The following TLE2 variants were observed in gnomAD, a reference collection of about 807,000 sequenced individuals.
The protein encoded by TLE2 is TLE family member 2, transcriptional corepressor, also known as transducin-like enhancer protein 2.
TLE2 carries 74 observed loss-of-function variants against 97.2 expected under a neutral mutation model. The ratio of observed to expected loss-of-function variants is 0.76; its 90% confidence interval spans 0.63 to 0.92. TLE2 has a LOEUF of 0.92. Among genes scored for constraint, TLE2 ranks in the 40% least tolerant of loss-of-function variants. TLE2 has a pLI of 0.00. For missense variants in TLE2, 1,038 were observed against 1,008.7 expected, an observed-to-expected ratio of 1.03 and a Z score of -0.39; for synonymous variants, 499 against 432.1, an observed-to-expected ratio of 1.15 and a Z score of -1.92.
At chr19:3,031,887 T>C (rs1426148518), upstream of TLE2, among the ~76,000 whole-genome samples, 1 of 152,142 alleles carries the variant, frequency 6.6e-6, no homozygotes, top group Non-Finnish European at 1.5e-5. Flanking sequence ...CTATTCTCCC[T>C]CTCTTCCCAG....
chr19:3,000,772 AC>A (rs761128385), intron 18 of TLE2, 49 bp from the exon 19 acceptor site: 10 of 1,447,036 alleles, frequency 6.9e-6, no homozygotes, highest in Non-Finnish European at 9.5e-6. Context: ...CTAACGAGAG[AC>A]CCGGGCTGCA....
At chr19:3,035,765 G>T (rs1462474832) in intron 1 of TLE2, among the ~76,000 whole-genome samples, 2 of 152,208 alleles carry the variant, frequency 1.3e-5, no homozygotes, top group African/African-American at 2.4e-5. Flanking sequence ...GAGGCACTGG[G>T]ATCAGTAGGG....
intron 12 of TLE2, 42 bp downstream of exon 12, chr19:3,010,980 C>T (rs370136153): frequency 1.3e-5 from 21 of 1,578,108 alleles, no homozygotes; most frequent in Middle Eastern, 2.3e-4. Flanking sequence ...TCCCCAGAGA[C>T]GAGGCCTGCT....
chr19:3,013,802 G>T lies in TLE2; in HGVS notation c.740C>A (p.Pro247His), dbSNP rs374109806. Residue 247 changes from proline to histidine, a missense_variant, in exon 11 of 20, where the codon CCC becomes CAC. By Grantham distance (77) the Pro-to-His change is moderately conservative. Transcript: ENST00000262953. ...GCAGGGGGTGGTAGCCGGGCTGGGGGGCTCTGAGGGTTGGTCCTGGGTTTG... is the reference window on the plus strand; with the variant it reads ...GCAGGGGGTGGTAGCCGGGCTGGGGTGCTCTGAGGGTTGGTCCTGGGTTTG... ...LVVDEDQPSEPPSPATTPCGK... is the reference protein window; with the variant it reads ...LVVDEDQPSEHPSPATTPCGK... 113 of 1,546,900 alleles carry T rather than the reference G, an allele frequency of 7.3e-5. No homozygotes were observed. The Middle Eastern group carries it at 8.5e-4, about 12-fold the overall frequency.
chr19:3,006,744 C>T (rs942323372), intron 14 of TLE2, 75 bp from the exon 15 acceptor site: 13 of 1,503,454 alleles, frequency 8.6e-6, no homozygotes, highest in African/African-American at 1.4e-5. Flanking sequence ...GGCAGGGAGA[C>T]GCCTTTGTCC....
At chr19:3,004,243 A>T (rs1269300794) in intron 17 of TLE2, among the ~76,000 whole-genome samples, 1 of 152,138 alleles carries the variant, frequency 6.6e-6, no homozygotes, top group African/African-American at 2.4e-5. Context: ...GATATTCACC[A>T]TGGGATCCCT....
chr19:3,000,093 G>A (rs1441420045), intron 19 of TLE2, among the ~76,000 whole-genome samples: 1 of 150,878 alleles, frequency 6.6e-6, no homozygotes, highest in Non-Finnish European at 1.5e-5. Flanking sequence ...TATTTTTGAG[G>A]CAGAGCCTCA....
At chr19:3,037,707 G>C (rs1262974542) in intron 1 of TLE2, among the ~76,000 whole-genome samples, 1 of 152,094 alleles carries the variant, frequency 6.6e-6, no homozygotes, top group East Asian at 1.9e-4. Context: ...GGGCGGCTGG[G>C]GGAGAAGTCC....
chr19:3,015,074 AAG>A (rs1555691959), intron 9 of TLE2, among the ~76,000 whole-genome samples: 11 of 140,360 alleles, frequency 7.8e-5, no homozygotes, highest in African/African-American at 2.6e-4. Context: ...AAAAAAAAAA[AAG>A]CTATTAGGTA....
chr19:3,028,679 C>T lies in TLE2; in HGVS notation c.122+27G>A, dbSNP rs1306495848. On this transcript the variant is annotated intron_variant, in intron 2 of 19. Coordinates refer to ENST00000262953, the MANE Select transcript of TLE2 (RefSeq NM_003260.5). ...CCGCCCCGGCGCCCAGGTGAACTCC[C>T]GCGGCCCCTGGGGCGGCCCCCCTCA... The T allele has an allele frequency of 3.7e-6, 6 of 1,611,212 alleles. No homozygotes were observed. In the African/African-American group the frequency reaches 5.3e-5, roughly 14 times the overall value.
intron 2 of TLE2, 76 bp downstream of exon 2, chr19:3,028,630 G>T (rs1463277433): frequency 2.1e-6 from 3 of 1,413,962 alleles, no homozygotes; most frequent in Non-Finnish European, 2.9e-6. Context: ...CCTCCTCCCC[G>T]CCCTATACCC....
intron 1 of TLE2, among the ~76,000 whole-genome samples, chr19:3,039,089 G>A (rs1262731787): frequency 6.6e-6 from 1 of 150,440 alleles, no homozygotes; most frequent in Non-Finnish European, 1.5e-5. Flanking sequence ...TGGGTGTGGT[G>A]GCGGGCACCT....
chr19:3,021,377 CT>C (rs1189240125), intron 5 of TLE2, among the ~76,000 whole-genome samples: 3 of 151,520 alleles, frequency 2.0e-5, no homozygotes, highest in African/African-American at 7.3e-5. Context: ...GCACTCCCGC[CT>C]GGGTGACAGA....
intron 17 of TLE2, 141 bp downstream of exon 17, chr19:3,005,296 C>T: frequency 8.4e-7 from 1 of 1,192,482 alleles, no homozygotes; most frequent in Non-Finnish European, 1.1e-6. Flanking sequence ...GTGGATGTGT[C>T]TGGGGGACAA....
In TLE2 at chr19:2,997,788, G is replaced by T; in HGVS notation, c.*60C>A. The T allele has an allele frequency of 7.7e-7, 1 of 1,296,902 alleles. No homozygotes were observed. The highest frequency in any genetic ancestry group is 1.1e-6 in the Non-Finnish European group (1 of 912,988). The allele number at this position is 1,296,902 out of a possible 1,614,324, so 80.3% of individuals were successfully genotyped here. ...CTGGGAGGCGGCTGCTAGGATGTCT[G>T]TCCTGGCTGCTGATTCCCCTGGGAG... On this transcript the variant is annotated 3_prime_UTR_variant, in exon 20 of 20. Transcript: ENST00000262953.
At chr19:3,008,143 A>G (rs889810322) in intron 14 of TLE2, among the ~76,000 whole-genome samples, 1 of 152,212 alleles carries the variant, frequency 6.6e-6, no homozygotes, top group Non-Finnish European at 1.5e-5. Flanking sequence ...CCACATTTCA[A>G]GTACTGAAAG....
intron 8 of TLE2, among the ~76,000 whole-genome samples, chr19:3,016,698 A>G (rs2089714342): frequency 3.3e-5 from 5 of 152,102 alleles, no homozygotes; most frequent in African/African-American, 1.2e-4. Context: ...GCTGATGGCT[A>G]GGCGAACGGA....
upstream of TLE2, among the ~76,000 whole-genome samples, chr19:3,032,498 A>G (rs897368308): frequency 3.3e-5 from 5 of 152,094 alleles, no homozygotes; most frequent in African/African-American, 1.2e-4. This position sits in a 1 kb window ranked among gnomAD's most constrained non-coding sequence, Gnocchi z 4.1. Flanking sequence ...TTGGCCTCCC[A>G]AAGTGCTGCG....
rs1365810188 is a variant in TLE2, at chr19:3,005,592, G to A, written c.1749-8C>T. The A allele has an allele frequency of 5.6e-6, 9 of 1,612,892 alleles. No individual in the cohort carries two copies. The highest frequency in any genetic ancestry group is 7.6e-6 in the Non-Finnish European group (9 of 1,179,566). ...GTGTGGCCCTGGAACTGCCTGGAGG[G>A]AGAAGGGCCCAGGCGTCCATCCTGG... On this transcript the variant is annotated splice_region_variant and splice_polypyrimidine_tract_variant and intron_variant, in intron 16 of 19. Coordinates refer to ENST00000262953, the MANE Select transcript of TLE2 (RefSeq NM_003260.5).
Sources: gnomAD v4.1 joint callset for allele counts (sites outside exome capture counted in the v4.1 genomes callset) on GRCh38, gnomAD v4.1.1 for gene constraint, Gnocchi (gnomAD v3.1) non-coding constraint, MANE v1.5 for transcripts, NCBI Gene and HGNC (gene_info 2026-07-23, HGNC 2026-07-21) for gene names.